Variants in TMEM62 observed in about 807,000 individuals in gnomAD.
The protein encoded by TMEM62 is transmembrane protein 62.
TMEM62 carries 41 observed loss-of-function variants against 70.4 expected under a neutral mutation model. That is an observed-to-expected ratio of 0.58 (90% confidence interval 0.45 to 0.76). TMEM62 has a LOEUF of 0.76. Ranked by LOEUF, TMEM62 falls within the 30% of genes least tolerant of loss-of-function variation. TMEM62 has a pLI of 0.00. For missense variants in TMEM62, 688 were observed against 788.5 expected, an observed-to-expected ratio of 0.87 and a Z score of 1.53; for synonymous variants, 268 against 291.0, an observed-to-expected ratio of 0.92 and a Z score of 0.80.
rs1020812180 is a variant in TMEM62, at chr15:43,183,470, G to A, written c.1606-790G>A. On this transcript the variant is annotated intron_variant, in intron 13 of 13. Coordinates refer to ENST00000260403, the MANE Select transcript of TMEM62 (RefSeq NM_024956.4). Reference sequence around the variant, plus strand: ...TGCTCTGCATGCACTTCCTTAAAGAGGCCAAGACCTCTCCCACCTCTGGGC... The same window carrying A: ...TGCTCTGCATGCACTTCCTTAAAGAAGCCAAGACCTCTCCCACCTCTGGGC... 3.3e-5 allele frequency among the ~76,000 whole-genome samples: 5 copies of A among 152,172 alleles called. No individual in the cohort carries two copies. In the East Asian group the frequency reaches 9.6e-4, roughly 29 times the overall value.
intron 4 of TMEM62, among the ~76,000 whole-genome samples, chr15:43,143,302 T>C (rs982826424): frequency 6.6e-6 from 1 of 152,236 alleles, no homozygotes; most frequent in Admixed American, 6.5e-5. Context: ...CCTCAAGTGA[T>C]CTGCCTGCCT....
At chr15:43,141,152 TGGGAGAAG>T (rs1337089359) in intron 4 of TMEM62, among the ~76,000 whole-genome samples, 1 of 152,212 alleles carries the variant, frequency 6.6e-6, no homozygotes. Flanking sequence ...CCTAACAATC[TGGGAGAAG>T]CACTGAATGA....
intron 10 of TMEM62, among the ~76,000 whole-genome samples, chr15:43,167,068 G>T (rs981848323): frequency 2.0e-5 from 3 of 152,184 alleles, no homozygotes; most frequent in Non-Finnish European, 4.4e-5. Flanking sequence ...CCCAGACGGG[G>T]TGGTGGCCGG....
chr15:43,160,570 T>C lies in TMEM62; in HGVS notation c.1183-111T>C, dbSNP rs10152368. The C allele has an allele frequency of 7.7e-3, 4,788 of 620,630 alleles. 181 individuals carry two copies. The African/African-American group carries it at 0.087, about 11-fold the overall frequency. The allele number at this position is 620,630 out of a possible 1,614,324, so 38.4% of individuals were successfully genotyped here. On this transcript the variant is annotated intron_variant, in intron 9 of 13. Transcript: ENST00000260403. ...ACAACAACAACAACAACAACAACAATAACAACAACAACAAAGTGTAGTTAT... is the reference window on the plus strand; with the variant it reads ...ACAACAACAACAACAACAACAACAACAACAACAACAACAAAGTGTAGTTAT...
Position 43,148,800 on chromosome 15 carries a change from A to G in TMEM62, c.664A>G (p.Ser222Gly). 6.2e-7 allele frequency: 1 copy of G among 1,614,116 alleles called. No homozygotes were observed. The highest frequency in any genetic ancestry group is 8.5e-7 in the Non-Finnish European group (1 of 1,179,998). The change falls in exon 6 of 14, where the codon AGC becomes GGC. Residue 222 changes from serine (S) to glycine (G), a missense_variant. Coordinates refer to ENST00000260403, the MANE Select transcript of TMEM62 (RefSeq NM_024956.4). ...ATTACTGGCCAAGGAAAGCAGTCGGAGCAACCATACAATTTGGTTTGGACA... is the reference window on the plus strand; with the variant it reads ...ATTACTGGCCAAGGAAAGCAGTCGGGGCAACCATACAATTTGGTTTGGACA... ...LLLLAKESSR[S>G]NHTIWFGHFT...
intron 7 of TMEM62, among the ~76,000 whole-genome samples, chr15:43,149,410 A>T (rs2037087158): frequency 6.6e-6 from 1 of 152,202 alleles, no homozygotes; most frequent in South Asian, 2.1e-4. Flanking sequence ...TAGTGTGCAC[A>T]AGAATTATGG....
At chr15:43,146,037 C>G (rs1379626581) in intron 4 of TMEM62, 2 of 152,864 alleles carry the variant, frequency 1.3e-5, no homozygotes, top group Non-Finnish European at 2.9e-5. Flanking sequence ...AATATTTTTT[C>G]TCCTTGCTTG....
upstream of TMEM62, chr15:43,133,428 AG>A (rs1211716200): frequency 4.9e-6 from 1 of 203,976 alleles, no homozygotes; most frequent in Non-Finnish European, 9.8e-6. Context: ...CACTGAGGTC[AG>A]GAGTGACTGA....
upstream of TMEM62, chr15:43,133,199 G>A (rs2034657429): frequency 6.6e-6 from 1 of 152,300 alleles, no homozygotes; most frequent in Non-Finnish European, 1.5e-5. Flanking sequence ...CCCTGTCTGA[G>A]AAGTGAAGGA....
At chr15:43,179,487 C>G (rs1378921306) in intron 12 of TMEM62, among the ~76,000 whole-genome samples, 1 of 152,082 alleles carries the variant, frequency 6.6e-6, no homozygotes, top group Non-Finnish European at 1.5e-5. Context: ...TCTAGTGGAG[C>G]TGGAGGTATA....
chr15:43,153,805 G>C (rs1334851032), intron 8 of TMEM62, among the ~76,000 whole-genome samples: 1 of 152,190 alleles, frequency 6.6e-6, no homozygotes, highest in African/African-American at 2.4e-5. Flanking sequence ...ATGAATATGA[G>C]TGTACAGATA....
At chr15:43,183,227 C>T (rs1280714805) in intron 13 of TMEM62, among the ~76,000 whole-genome samples, 1 of 152,232 alleles carries the variant, frequency 6.6e-6, no homozygotes, top group Non-Finnish European at 1.5e-5. Context: ...AATCCATCCA[C>T]TTCTCTCCAT....
intron 11 of TMEM62, among the ~76,000 whole-genome samples, chr15:43,177,052 G>A (rs532730414): frequency 6.6e-6 from 1 of 152,076 alleles, no homozygotes; most frequent in Non-Finnish European, 1.5e-5. Flanking sequence ...AGAAGCCTCA[G>A]GAGCCGATGC....
chr15:43,171,652 G>A (rs2040211854), intron 11 of TMEM62, among the ~76,000 whole-genome samples: 1 of 139,986 alleles, frequency 7.1e-6, no homozygotes, highest in African/African-American at 2.7e-5. Flanking sequence ...GTGTGACCTG[G>A]AATTTCGCTC....
At chr15:43,174,474 A>G (rs988346051) in intron 11 of TMEM62, among the ~76,000 whole-genome samples, 2 of 152,232 alleles carry the variant, frequency 1.3e-5, no homozygotes, top group Non-Finnish European at 2.9e-5. Flanking sequence ...TTTCCTGAAC[A>G]TAATGTAAGT....
intron 13 of TMEM62, among the ~76,000 whole-genome samples, chr15:43,182,137 A>G (rs754778186): frequency 3.9e-5 from 6 of 152,242 alleles, no homozygotes; most frequent in Non-Finnish European, 8.8e-5. Flanking sequence ...AAATAAACAC[A>G]CAAAGAACCT....
chr15:43,161,633 T>C (rs2038713241), intron 10 of TMEM62, among the ~76,000 whole-genome samples: 2 of 152,140 alleles, frequency 1.3e-5, no homozygotes, highest in Admixed American at 1.3e-4. Context: ...TGTGTGTGTA[T>C]ATATGTATTT....
At chr15:43,154,876 GCCA>G in intron 9 of TMEM62, 45 bp downstream of exon 9, 1 of 1,479,332 alleles carries the variant, frequency 6.8e-7, no homozygotes, top group Non-Finnish European at 9.1e-7. Flanking sequence ...TTAAGCTGTA[GCCA>G]CAATGAATTC....
Position 43,149,055 on chromosome 15 carries a change from A to C in TMEM62, c.770A>C (p.His257Pro). The C allele has an allele frequency of 6.2e-7, 1 of 1,614,050 alleles. No individual in the cohort carries two copies. Among genetic ancestry groups the C allele is most frequent in the Non-Finnish European group, 8.5e-7 (1 of 1,180,028 alleles). The change falls in exon 7 of 14, where the codon CAT (histidine) becomes CCT (proline). Residue 257 changes from histidine to proline, a missense_variant. His to Pro is a moderately conservative substitution (Grantham distance 77). Coordinates refer to ENST00000260403, the MANE Select transcript of TMEM62 (RefSeq NM_024956.4). ...MSSAIAYLCG[H>P]LHTLGGLMPV... The stretch of plus-strand genomic sequence containing the variant: ...TCGGCTATAGCTTATTTGTGTGGAC[A>C]TCTCCATACACTTGGTGGACTGATG...
Sources: allele counts gnomAD v4.1 joint callset (sites outside exome capture counted in the v4.1 genomes callset), GRCh38; gene constraint gnomAD v4.1.1; transcripts MANE v1.5; gene names NCBI Gene and HGNC (gene_info 2026-07-23, HGNC 2026-07-21).